The following GPC1 variants were observed in gnomAD, a reference collection of about 807,000 sequenced individuals.
GPC1 encodes glypican-1.
GPC1 carries 26 observed loss-of-function variants against 51.5 expected under a neutral mutation model. The observed-to-expected ratio is 0.50, with a 90% CI of 0.37 to 0.70. The LOEUF is 0.70. Ranked by LOEUF, GPC1 falls within the 30% of genes least tolerant of loss-of-function variation. GPC1 has a pLI of 0.00. For missense variants in GPC1, 775 were observed against 800.5 expected, an observed-to-expected ratio of 0.97 and a Z score of 0.38; for synonymous variants, 380 against 348.3, an observed-to-expected ratio of 1.09 and a Z score of -1.01.
chr2:240,462,134 T>G, intron 2 of GPC1, 57 bp from the exon 3 acceptor site: 1 of 1,481,628 alleles, frequency 6.7e-7, no homozygotes, highest in South Asian at 1.3e-5. Context: ...CCTGCTCTGG[T>G]CCAGCTGCCA....
chr2:240,465,377 A>G (rs1453008732), intron 7 of GPC1, 96 bp from the exon 8 acceptor site: 5 of 1,377,060 alleles, frequency 3.6e-6, no homozygotes, highest in Non-Finnish European at 5.0e-6. Flanking sequence ...GCTGCTGGGC[A>G]TCTCAGGCTC....
intron 1 of GPC1, among the ~76,000 whole-genome samples, chr2:240,449,019 CT>C (rs1013929526): frequency 6.6e-6 from 1 of 152,074 alleles, no homozygotes; most frequent in Non-Finnish European, 1.5e-5. Flanking sequence ...AGTCTGAGAC[CT>C]GGGGGGGAAG....
chr2:240,443,629 G>A (rs899545773), intron 1 of GPC1, among the ~76,000 whole-genome samples: 1 of 152,336 alleles, frequency 6.6e-6, no homozygotes, highest in East Asian at 1.9e-4. Flanking sequence ...AGCCCAGCAC[G>A]GGGCAGTGGG....
At chr2:240,439,590 G>A (rs1234517888) in intron 1 of GPC1, among the ~76,000 whole-genome samples, 2 of 152,342 alleles carry the variant, frequency 1.3e-5, no homozygotes, top group East Asian at 3.9e-4. Context: ...CCGCCTGGGT[G>A]GTTGGCACAC....
intron 1 of GPC1, among the ~76,000 whole-genome samples, chr2:240,443,333 C>T (rs1018609546): frequency 3.3e-5 from 5 of 152,152 alleles, no homozygotes; most frequent in Admixed American, 2.0e-4. Context: ...GACTGCAGGG[C>T]GAGGGTTTGG....
At chr2:240,460,614 C>T (rs535223374) in intron 2 of GPC1, among the ~76,000 whole-genome samples, 3 of 152,286 alleles carry the variant, frequency 2.0e-5, no homozygotes, top group African/African-American at 2.4e-5. Context: ...GGGCCTGTCC[C>T]GTGTCAGTGC....
At chr2:240,456,717 G>A in intron 1 of GPC1, 1 of 439,370 alleles carries the variant, frequency 2.3e-6, no homozygotes, top group Admixed American at 2.5e-5. Flanking sequence ...CCTGGCACAG[G>A]CCCCAGGAAA....
chr2:240,454,337 G>A (rs1162741213), intron 1 of GPC1, among the ~76,000 whole-genome samples: 1 of 152,202 alleles, frequency 6.6e-6, no homozygotes. Context: ...CCCCTGGGTC[G>A]TTTGTCCAGT....
In GPC1 at chr2:240,464,735, C is replaced by T; in HGVS notation, c.1003C>T (p.Leu335Phe). Residue 335 changes from leucine to phenylalanine, a missense_variant, in exon 5 of 9, where the codon CTC becomes TTC. Transcript: ENST00000264039. ...CGCCCTCCAGGACAACAGGGACACG[C>T]TCACGGCCAAGGTGCGGGCAGGAGG... ...INALQDNRDT[L>F]TAKVIQGCGN... 4 of 1,609,184 alleles carry T rather than the reference C, an allele frequency of 2.5e-6. No individual in the cohort carries two copies. Among genetic ancestry groups the T allele is most frequent in the Non-Finnish European group, 3.4e-6 (4 of 1,178,188 alleles).
At chr2:240,464,543 G>T in intron 4 of GPC1, 73 bp from the exon 5 acceptor site, 1 of 291,476 alleles carries the variant, frequency 3.4e-6, no homozygotes, top group Non-Finnish European at 5.0e-6. Context: ...ACGTGGTGAC[G>T]CCTGCGTGTG....
At position 240,467,219 on chromosome 2, in the gene GPC1, CAG is replaced by C. The variant is rs2074270397; in HGVS notation, c.*932_*933del. ...GTTCACGGTGACACAGGTCAGGGCTCAGAGTGACCCTCAGCTGTCACCTGCTC... is the reference window on the plus strand; with the variant it reads ...GTTCACGGTGACACAGGTCAGGGCTCAGTGACCCTCAGCTGTCACCTGCTC... On this transcript the variant is annotated 3_prime_UTR_variant, in exon 9 of 9. Coordinates refer to ENST00000264039, the MANE Select transcript of GPC1 (RefSeq NM_002081.3). 1 of 152,328 alleles carries C rather than the reference CAG, an allele frequency of 6.6e-6. No individual in the cohort carries two copies. The highest frequency in any genetic ancestry group is 1.5e-5 in the Non-Finnish European group (1 of 68,114). The allele number at this position is 152,328 out of a possible 1,614,324, so 9.4% of individuals were successfully genotyped here.
chr2:240,454,108 A>G (rs2074133255), intron 1 of GPC1, among the ~76,000 whole-genome samples: 1 of 151,776 alleles, frequency 6.6e-6, no homozygotes, highest in African/African-American at 2.4e-5. Context: ...AGGGGAGGGA[A>G]GCACGATGGG....
At chr2:240,463,607 AC>A (rs1227047195) in intron 4 of GPC1, 95 bp downstream of exon 4, 3 of 1,040,214 alleles carry the variant, frequency 2.9e-6, no homozygotes, top group Non-Finnish European at 4.3e-6. Flanking sequence ...TAGAGCTTGG[AC>A]CCAGGGACCT....
Position 240,466,149 on chromosome 2 carries a change from G to A in GPC1, c.1536G>A (p.Thr512=), listed in dbSNP as rs774724320. The change falls in exon 9 of 9, where the codon ACG becomes ACA. Residue 512 remains threonine (T), a synonymous_variant. Transcript: ENST00000264039. ...GCAGGAAGAGCTCCAGCTCCCGGAC[G>A]CCCTTGACCCATGCCCTCCCAGGCC... ...KVSRKSSSSR[T]PLTHALPGLS... 1.2e-5 allele frequency: 20 copies of A among 1,612,670 alleles called. No homozygotes were observed. Among genetic ancestry groups the A allele is most frequent in the African/African-American group, 6.7e-5 (5 of 74,880 alleles).
chr2:240,456,106 G>T (rs1450524234), intron 1 of GPC1: 2 of 287,038 alleles, frequency 7.0e-6, no homozygotes, highest in Non-Finnish European at 1.4e-5. Context: ...CAGGTCGCCG[G>T]GCCGGCTGGG....
chr2:240,462,350 CGCTG>C lies in GPC1; in HGVS notation c.488_491del (p.Leu163ProfsTer88). 1 of 1,598,018 alleles carries C rather than the reference CGCTG, an allele frequency of 6.3e-7. No homozygotes were observed. Among genetic ancestry groups the C allele is most frequent in the South Asian group, 1.1e-5 (1 of 89,142 alleles). ...GGTGCCAACCTGCACCTGGAGGAGA[CGCTG>C]GCCGAGTTCTGGGCCCGCCTGCTCG... On this transcript the variant is annotated frameshift_variant, in exon 3 of 9. Transcript: ENST00000264039. LOFTEE classifies it high-confidence loss of function.
At chr2:240,443,653 C>T (rs367975936) in intron 1 of GPC1, among the ~76,000 whole-genome samples, 2 of 152,298 alleles carry the variant, frequency 1.3e-5, no homozygotes, top group South Asian at 2.1e-4. Flanking sequence ...TGAGGCCCAG[C>T]GGCATCTGTG....
chr2:240,457,256 G>A (rs765228342), intron 1 of GPC1, among the ~76,000 whole-genome samples: 20 of 152,128 alleles, frequency 1.3e-4, no homozygotes, highest in African/African-American at 3.4e-4. Context: ...CCCCTACCTC[G>A]GCCCTCCCTC....
At chr2:240,458,898 C>G in intron 1 of GPC1, 132 bp from the exon 2 acceptor site, 1 of 748,232 alleles carries the variant, frequency 1.3e-6, no homozygotes, top group South Asian at 1.8e-5. Context: ...CCCAGGGCAC[C>G]CCCCAGGCTG....
Sources: gnomAD v4.1 joint callset for allele counts (sites outside exome capture counted in the v4.1 genomes callset) on GRCh38, gnomAD v4.1.1 for gene constraint, MANE v1.5 for transcripts, NCBI Gene and HGNC (gene_info 2026-07-23, HGNC 2026-07-21) for gene names.